Variants in ST7 observed in about 807,000 individuals in gnomAD.
The protein encoded by ST7 is suppression of tumorigenicity 7.
Under a neutral mutation model 78.7 loss-of-function variants are expected in ST7, and 28 were observed. The ratio of observed to expected loss-of-function variants is 0.36; its 90% CI spans 0.26 to 0.49. The LOEUF (loss-of-function observed/expected upper bound fraction) is 0.49, where lower values mean the gene tolerates loss of function less well. Ranked by LOEUF, ST7 falls within the 20% of genes least tolerant of loss-of-function variation. The pLI, the probability that ST7 is intolerant of heterozygous loss-of-function variation, is 0.99. For missense variants in ST7, 418 were observed against 696.0 expected (o/e 0.60, Z 4.49); for synonymous variants, 247 against 249.6 (o/e 0.99, Z 0.10).
At position 117,134,252 on chromosome 7, in the gene ST7, C is replaced by G; in HGVS notation, c.710+60C>G. ...ACCAAATGAGACTTCTAGTGGATATCTGGATGGTTGACACCCCCATCACCA... is the reference window on the plus strand; with the variant it reads ...ACCAAATGAGACTTCTAGTGGATATGTGGATGGTTGACACCCCCATCACCA... On this transcript the variant is annotated intron_variant, in intron 7 of 15. Coordinates refer to ENST00000323984, the MANE Select transcript of ST7 (RefSeq NM_001369598.1). 2.5e-6 allele frequency: 4 copies of G among 1,606,600 alleles called. No homozygotes were observed. The East Asian group carries it at 8.9e-5, about 36-fold the overall frequency.
chr7:117,074,620 C>T (rs918008360), intron 1 of ST7: 1 of 152,176 alleles, frequency 6.6e-6, no homozygotes, highest in Non-Finnish European at 1.5e-5. Flanking sequence ...ATTAGATACA[C>T]TGTGACTTCA....
chr7:117,151,023 A>G (rs1806197460), intron 9 of ST7, among the ~76,000 whole-genome samples: 1 of 152,194 alleles, frequency 6.6e-6, no homozygotes, highest in Admixed American at 6.5e-5. Flanking sequence ...TACACAGTCT[A>G]GTCACTTCTT....
chr7:117,195,650 C>T (rs980401333), intron 12 of ST7, among the ~76,000 whole-genome samples: 12 of 152,032 alleles, frequency 7.9e-5, no homozygotes. Context: ...GAGAAAAAGC[C>T]CCTTATAAAA....
intron 1 of ST7, among the ~76,000 whole-genome samples, chr7:117,032,959 C>T (rs180933061): frequency 1.6e-4 from 24 of 152,276 alleles, no homozygotes; most frequent in African/African-American, 5.5e-4. Flanking sequence ...AGAACCTGGG[C>T]TTTGGGTCAG....
intron 1 of ST7, among the ~76,000 whole-genome samples, chr7:117,017,351 T>G (rs1795663894): frequency 6.6e-6 from 1 of 152,198 alleles, no homozygotes; most frequent in South Asian, 2.1e-4. Flanking sequence ...AAATAGTTGT[T>G]GAGTGAATGC....
chr7:117,025,553 T>C (rs1372965671), intron 1 of ST7, among the ~76,000 whole-genome samples: 1 of 152,176 alleles, frequency 6.6e-6, no homozygotes, highest in Non-Finnish European at 1.5e-5. Flanking sequence ...AACCCACCTC[T>C]AAGTCTGCAC....
intron 1 of ST7, among the ~76,000 whole-genome samples, chr7:117,047,679 G>A (rs1797560938): frequency 6.6e-6 from 1 of 152,196 alleles, no homozygotes; most frequent in Non-Finnish European, 1.5e-5. Context: ...TTGAGGCTAG[G>A]TTAGCTAGCT....
chr7:117,198,951 C>T (rs1584578452), intron 12 of ST7: 1 of 152,138 alleles, frequency 6.6e-6, no homozygotes, highest in African/African-American at 2.4e-5. Context: ...ATACATACTC[C>T]AAACCCATCA....
intron 1 of ST7, chr7:116,953,994 G>A (rs1792297235): frequency 6.6e-6 from 1 of 151,758 alleles, no homozygotes; most frequent in Admixed American, 6.6e-5. Flanking sequence ...TCGGGAGACG[G>A]AGAAGAACGG....
intron 1 of ST7, among the ~76,000 whole-genome samples, chr7:117,067,774 A>G (rs575731451): frequency 1.3e-5 from 2 of 152,346 alleles, no homozygotes; most frequent in African/African-American, 4.8e-5. Context: ...AGACTCATAC[A>G]ATCTTTGTCA....
chr7:117,168,556 A>G (rs142200307), intron 9 of ST7, among the ~76,000 whole-genome samples: 115 of 152,322 alleles, frequency 7.5e-4, no homozygotes, highest in African/African-American at 2.6e-3. Flanking sequence ...AATGAACCAG[A>G]ACAAGAAATA....
intron 1 of ST7, among the ~76,000 whole-genome samples, chr7:117,020,824 T>C (rs1795862460): frequency 6.6e-6 from 1 of 152,188 alleles, no homozygotes; most frequent in African/African-American, 2.4e-5. Flanking sequence ...GGGATGTCAA[T>C]GTGTCAAAAC....
chr7:117,007,918 C>A (rs1795220032), intron 1 of ST7, among the ~76,000 whole-genome samples: 1 of 152,286 alleles, frequency 6.6e-6, no homozygotes, highest in South Asian at 2.1e-4. Flanking sequence ...GAAACATTTT[C>A]CAAGTAATAC....
intron 10 of ST7, among the ~76,000 whole-genome samples, chr7:117,179,302 T>C (rs1808568854): frequency 6.6e-6 from 1 of 152,250 alleles, no homozygotes. Context: ...TAGGATTTTA[T>C]TCAGCAAACA....
intron 1 of ST7, chr7:117,072,732 G>A (rs1445136284): frequency 6.6e-6 from 1 of 152,166 alleles, no homozygotes; most frequent in Non-Finnish European, 1.5e-5. Flanking sequence ...ACCACCTATT[G>A]AGCGAGTTTG....
intron 7 of ST7, among the ~76,000 whole-genome samples, chr7:117,134,729 G>A (rs2117043068): frequency 6.6e-6 from 1 of 152,142 alleles, no homozygotes; most frequent in South Asian, 2.1e-4. Context: ...ATTTTCTCCA[G>A]TGAATCACTT....
intron 3 of ST7, among the ~76,000 whole-genome samples, chr7:117,124,896 G>A (rs1170131860): frequency 6.6e-6 from 1 of 152,138 alleles, no homozygotes. Context: ...GTCACTTGGA[G>A]GTATGGCTTT....
At chr7:117,099,074 AAAG>A (rs1285844228) in intron 1 of ST7, among the ~76,000 whole-genome samples, 6 of 149,486 alleles carry the variant, frequency 4.0e-5, no homozygotes, top group African/African-American at 7.3e-5. Flanking sequence ...AACAAAAAAA[AAAG>A]AAGAAGAAGA....
intron 2 of ST7, among the ~76,000 whole-genome samples, chr7:117,107,603 C>CTTT (rs71528121): frequency 1.5e-4 from 11 of 73,572 alleles, no homozygotes; most frequent in Admixed American, 2.5e-4. Context: ...TAGCCCACTT[C>CTTT]TTTTTTTTTT....
Sources: allele counts gnomAD v4.1 joint callset (sites outside exome capture counted in the v4.1 genomes callset), GRCh38; gene constraint gnomAD v4.1.1; transcripts MANE v1.5; gene names NCBI Gene and HGNC (gene_info 2026-07-23, HGNC 2026-07-21).